OR8B3: variants seen among roughly 807,000 people sequenced by gnomAD.
OR8B3 encodes olfactory receptor family 8 subfamily B member 3.
For missense variants in OR8B3, 278 were observed against 377.6 expected, an observed-to-expected ratio of 0.74 and a Z score of 2.19; for synonymous variants, 102 against 135.4, an observed-to-expected ratio of 0.75 and a Z score of 1.71.
At chr11:124,407,485 ATGT>A in the OR8B3 span, among the ~76,000 whole-genome samples, 1 of 152,136 alleles carries the variant, frequency 6.6e-6, no homozygotes, top group Non-Finnish European at 1.5e-5. Flanking sequence ...TAATAAACCA[ATGT>A]TGTTACATTT....
At chr11:124,400,917 A>G (rs1279698225), upstream of OR8B3, among the ~76,000 whole-genome samples, 1 of 152,134 alleles carries the variant, frequency 6.6e-6, no homozygotes, top group Non-Finnish European at 1.5e-5. Flanking sequence ...AAATATATAT[A>G]TTCATAGTTA....
At chr11:124,406,196 A>G in the OR8B3 span, among the ~76,000 whole-genome samples, 6 of 152,292 alleles carry the variant, frequency 3.9e-5, no homozygotes, top group African/African-American at 1.4e-4. Flanking sequence ...GACTGCCTCA[A>G]TTTAAATCTA....
the OR8B3 span, among the ~76,000 whole-genome samples, chr11:124,405,592 T>TC: frequency 7.2e-5 from 11 of 152,322 alleles, no homozygotes; most frequent in East Asian, 1.5e-3. Flanking sequence ...ATCAGCACAG[T>TC]CTTCAGTCTC....
the OR8B3 span, among the ~76,000 whole-genome samples, chr11:124,405,496 G>A: frequency 1.3e-5 from 2 of 152,156 alleles, no homozygotes; most frequent in Non-Finnish European, 2.9e-5. Flanking sequence ...GTTTTTCCTA[G>A]AGACCCTACC....
At chr11:124,398,668 A>G (rs1412009427) in intron 1 of OR8B3, 22 bp downstream of exon 1, 8 of 152,202 alleles carry the variant, frequency 5.3e-5, no homozygotes, top group Admixed American at 5.2e-4. Context: ...AGGAGAGAGA[A>G]ATAGAAACTT....
At position 124,395,779 on chromosome 11, in the gene OR8B3, C is replaced by A. The variant is rs1565350044; in HGVS notation, c.*631G>T. Reference sequence around the variant, plus strand: ...TGCCTTTGGCAATAAAAGGTGGAGACACACATATTCTCTGCTGTATCAAAT... The same window carrying A: ...TGCCTTTGGCAATAAAAGGTGGAGAAACACATATTCTCTGCTGTATCAAAT... On this transcript the variant is annotated 3_prime_UTR_variant, in exon 2 of 2. Coordinates refer to ENST00000641139, the MANE Select transcript of OR8B3 (RefSeq NM_001005467.2). 2 of 152,300 alleles carry A rather than the reference C, an allele frequency of 1.3e-5. No individual in the cohort carries two copies. Among genetic ancestry groups the A allele is most frequent in the Middle Eastern group, 3.4e-3 (1 of 294 alleles). 9.4% of individuals were successfully genotyped at this position (152,300 alleles called of 1,614,324 possible).
At chr11:124,403,473 T>C (rs1325085539), upstream of OR8B3, among the ~76,000 whole-genome samples, 1 of 135,832 alleles carries the variant, frequency 7.4e-6, no homozygotes, top group Non-Finnish European at 1.6e-5. Flanking sequence ...ACCTCCCAGA[T>C]GGGGTCGCGG....
chr11:124,406,202 A>G, the OR8B3 span, among the ~76,000 whole-genome samples: 1 of 152,136 alleles, frequency 6.6e-6, no homozygotes, highest in Non-Finnish European at 1.5e-5. Flanking sequence ...CTCAATTTAA[A>G]TCTAGACTAT....
the OR8B3 span, among the ~76,000 whole-genome samples, chr11:124,407,290 C>T: frequency 1.9e-3 from 288 of 152,200 alleles, no homozygotes; most frequent in African/African-American, 6.7e-3. Context: ...GTTAGGTAAC[C>T]TGTTTTCTAG....
At position 124,396,154 on chromosome 11, in the gene OR8B3, G is replaced by T; in HGVS notation, c.*256C>A. The T allele has an allele frequency of 2.6e-6, 1 of 379,268 alleles. No individual in the cohort carries two copies. Among genetic ancestry groups the T allele is most frequent in the Admixed American group, 4.3e-5 (1 of 23,384 alleles). The allele number at this position is 379,268 out of a possible 1,614,324, so 23.5% of individuals were successfully genotyped here. A position where few individuals can be genotyped will look rare whatever the true frequency, so the allele number is the denominator to read the frequency against. Reference sequence around the variant, plus strand: ...TAAGAACAGCCCAGGAGAGAGGAAGGATATAAAATGATAATGAAAAATATC... The same window carrying T: ...TAAGAACAGCCCAGGAGAGAGGAAGTATATAAAATGATAATGAAAAATATC... On this transcript the variant is annotated 3_prime_UTR_variant, in exon 2 of 2. Coordinates refer to ENST00000641139, the MANE Select transcript of OR8B3 (RefSeq NM_001005467.2).
upstream of OR8B3, among the ~76,000 whole-genome samples, chr11:124,400,615 G>T (rs1011586398): frequency 6.6e-6 from 1 of 151,810 alleles, no homozygotes; most frequent in African/African-American, 2.4e-5. Context: ...CTTGGCTCAC[G>T]GAAGCCTTGG....
the OR8B3 span, among the ~76,000 whole-genome samples, chr11:124,407,185 A>G: frequency 6.6e-6 from 1 of 152,286 alleles, no homozygotes; most frequent in South Asian, 2.1e-4. Context: ...CCAGATCAGA[A>G]GTTTAATGGG....
chr11:124,399,562 T>C (rs1205426068), upstream of OR8B3, among the ~76,000 whole-genome samples: 6 of 152,194 alleles, frequency 3.9e-5, no homozygotes, highest in Non-Finnish European at 8.8e-5. Flanking sequence ...TTAGAATTTC[T>C]CTGTAGGTAG....
chr11:124,405,853 C>A, the OR8B3 span, among the ~76,000 whole-genome samples: 12 of 152,292 alleles, frequency 7.9e-5, no homozygotes, highest in South Asian at 2.1e-3. Context: ...GTGTGTACAT[C>A]CTGTGTCATA....
the OR8B3 span, chr11:124,404,858 T>G: frequency 6.6e-6 from 1 of 152,210 alleles, no homozygotes; most frequent in African/African-American, 2.4e-5. Flanking sequence ...GAGATGATGT[T>G]CCTCTCTGAG....
chr11:124,401,964 A>G (rs1277146111), upstream of OR8B3, among the ~76,000 whole-genome samples: 2 of 152,200 alleles, frequency 1.3e-5, no homozygotes, highest in East Asian at 1.9e-4. Context: ...GCTGGTGTCC[A>G]GGTGGTGAAG....
upstream of OR8B3, among the ~76,000 whole-genome samples, chr11:124,400,201 T>C (rs774800627): frequency 1.4e-4 from 21 of 152,192 alleles, no homozygotes; most frequent in Middle Eastern, 3.2e-3. Flanking sequence ...ACTTTTGTTT[T>C]CTTATTTTTT....
chr11:124,401,493 C>T (rs938648090), upstream of OR8B3, among the ~76,000 whole-genome samples: 1 of 152,102 alleles, frequency 6.6e-6, no homozygotes, highest in African/African-American at 2.4e-5. Context: ...ATTTGTACCA[C>T]CATTTAAAAC....
At chr11:124,403,040 C>T (rs889740674), upstream of OR8B3, among the ~76,000 whole-genome samples, 6 of 152,278 alleles carry the variant, frequency 3.9e-5, no homozygotes, top group African/African-American at 1.2e-4. Context: ...TCTTAATGAG[C>T]ATGCTGCCTT....
Sources: gnomAD v4.1 joint callset for allele counts (sites outside exome capture counted in the v4.1 genomes callset) on GRCh38, gnomAD v4.1.1 for gene constraint, MANE v1.5 for transcripts, NCBI Gene and HGNC (gene_info 2026-07-23, HGNC 2026-07-21) for gene names.